The following FSTL4 variants were observed in gnomAD, a reference collection of about 807,000 sequenced individuals.
FSTL4 encodes follistatin-related protein 4.
A neutral mutation model predicts 78.2 loss-of-function variants in FSTL4; 28 were observed. The ratio of observed to expected loss-of-function variants is 0.36; its 90% CI spans 0.27 to 0.49. The LOEUF (loss-of-function observed/expected upper bound fraction) is 0.49. Ranked by LOEUF, FSTL4 falls within the 20% of genes least tolerant of loss-of-function variation. The pLI, the probability that FSTL4 is intolerant of heterozygous loss-of-function variation, is 0.98. For synonymous variants in FSTL4, 422 were observed against 440.5 expected (o/e 0.96, Z 0.53); for missense variants, 922 against 1,084.9 (o/e 0.85, Z 2.11).
chr5:133,279,374 T>C (rs1206157095), intron 6 of FSTL4, among the ~76,000 whole-genome samples: 1 of 152,160 alleles, frequency 6.6e-6, no homozygotes, highest in East Asian at 1.9e-4. Flanking sequence ...GGCTGAACAG[T>C]TTTGTCCGAA....
At chr5:133,608,245 C>T (rs912135637) in intron 1 of FSTL4, among the ~76,000 whole-genome samples, 8 of 152,222 alleles carry the variant, frequency 5.3e-5, no homozygotes, top group African/African-American at 9.7e-5. Flanking sequence ...CTACCTAGGA[C>T]TGTCCCCATA....
intron 3 of FSTL4, among the ~76,000 whole-genome samples, chr5:133,405,905 A>G (rs370825476): frequency 3.3e-5 from 5 of 152,308 alleles, no homozygotes; most frequent in African/African-American, 1.2e-4. Context: ...CTCCTCCCCT[A>G]TCTATCCACC....
At chr5:133,381,211 C>T (rs1206655367) in intron 4 of FSTL4, among the ~76,000 whole-genome samples, 1 of 152,212 alleles carries the variant, frequency 6.6e-6, no homozygotes, top group African/African-American at 2.4e-5. Context: ...AGAATGATTC[C>T]AGTTGCACAG....
chr5:133,474,413 T>C (rs1376470319), intron 3 of FSTL4, among the ~76,000 whole-genome samples: 1 of 152,168 alleles, frequency 6.6e-6, no homozygotes, highest in Non-Finnish European at 1.5e-5. Flanking sequence ...TTTTCATCTG[T>C]AGCCCCCGTG....
In FSTL4 at chr5:133,500,043, G is replaced by A. The variant is rs140755398; in HGVS notation, c.160+67143C>T. 3.3e-5 allele frequency among the ~76,000 whole-genome samples: 5 copies of A among 152,258 alleles called. No homozygotes were observed. The East Asian group carries it at 9.6e-4, about 29-fold the overall frequency. On this transcript the variant is annotated intron_variant, in intron 3 of 15. Coordinates refer to ENST00000265342, the MANE Select transcript of FSTL4 (RefSeq NM_015082.2). ...GTATAGGGCGCTTCATAAACACTTAGAGCATTGAATCAATATTTGCTCTGC... is the reference window on the plus strand; with the variant it reads ...GTATAGGGCGCTTCATAAACACTTAAAGCATTGAATCAATATTTGCTCTGC...
At chr5:133,763,695 A>G in the FSTL4 span, among the ~76,000 whole-genome samples, 12 of 152,190 alleles carry the variant, frequency 7.9e-5, no homozygotes, top group East Asian at 2.3e-3. Context: ...ACCTCCCCCA[A>G]CCAACCCTGG....
chr5:133,515,404 G>GA (rs1758832852), intron 3 of FSTL4, among the ~76,000 whole-genome samples: 1 of 147,288 alleles, frequency 6.8e-6, no homozygotes, highest in Non-Finnish European at 1.5e-5. Flanking sequence ...TAAAAGGAAA[G>GA]GAAAAAAAAA....
chr5:133,547,487 A>T (rs568363599), intron 3 of FSTL4, among the ~76,000 whole-genome samples: 3 of 152,314 alleles, frequency 2.0e-5, no homozygotes, highest in East Asian at 3.9e-4. Flanking sequence ...TGTCCCCCAG[A>T]ATTCATGTGT....
the FSTL4 span, among the ~76,000 whole-genome samples, chr5:133,745,975 G>T: frequency 6.6e-6 from 1 of 152,122 alleles, no homozygotes; most frequent in African/African-American, 2.4e-5. Flanking sequence ...CACGATACAG[G>T]CCTCATATTT....
chr5:133,446,177 C>A lies in FSTL4; in HGVS notation c.161-45191G>T, dbSNP rs571280850. Among the ~76,000 whole-genome samples the A allele has an allele frequency of 2.0e-5, 3 of 152,326 alleles. No individual in the cohort carries two copies. The East Asian group carries it at 5.8e-4, about 29-fold the overall frequency. ...CTCTCGGGCCAGGCTCGGTGGCTCA[C>A]GCCTGTAATCCTAGCACTTTGGGAG... On this transcript the variant is annotated intron_variant, in intron 3 of 15. Transcript: ENST00000265342.
At chr5:133,215,402 C>T (rs1266988767) in intron 13 of FSTL4, among the ~76,000 whole-genome samples, 1 of 152,200 alleles carries the variant, frequency 6.6e-6, no homozygotes, top group South Asian at 2.1e-4. Flanking sequence ...GCTTAGGCCT[C>T]TCCTTTGACT....
chr5:133,575,265 T>C (rs1760252764), intron 2 of FSTL4: 2 of 152,214 alleles, frequency 1.3e-5, no homozygotes, highest in Non-Finnish European at 2.9e-5. Flanking sequence ...TATACTCTAC[T>C]TCCTCCAAGG....
chr5:133,764,490 C>G, the FSTL4 span, among the ~76,000 whole-genome samples: 1 of 152,202 alleles, frequency 6.6e-6, no homozygotes, highest in Middle Eastern at 3.2e-3. Flanking sequence ...ATGCCATAGG[C>G]AAGCCAAAGA....
chr5:133,446,324 C>T (rs902819527), intron 3 of FSTL4, among the ~76,000 whole-genome samples: 1 of 152,218 alleles, frequency 6.6e-6, no homozygotes, highest in Non-Finnish European at 1.5e-5. Context: ...CCTGTAATCC[C>T]AGCTACTTGG....
At chr5:133,470,761 TAAAATAAA>T (rs1757806823) in intron 3 of FSTL4, among the ~76,000 whole-genome samples, 1 of 116,634 alleles carries the variant, frequency 8.6e-6, no homozygotes, top group Non-Finnish European at 1.8e-5. Flanking sequence ...TAAAATAAAA[TAAAATAAA>T]ATAAAATAAA....
intron 3 of FSTL4, among the ~76,000 whole-genome samples, chr5:133,460,242 A>G (rs1022560126): frequency 6.6e-6 from 1 of 151,568 alleles, no homozygotes; most frequent in East Asian, 1.9e-4. Context: ...GTTTTGTCCA[A>G]TTCTTTGTTC....
the FSTL4 span, among the ~76,000 whole-genome samples, chr5:133,772,128 C>T: frequency 1.3e-5 from 2 of 152,152 alleles, no homozygotes; most frequent in African/African-American, 4.8e-5. Flanking sequence ...TCAGAAATCA[C>T]ATATAATGCA....
chr5:133,540,984 G>A (rs993909988), intron 3 of FSTL4, among the ~76,000 whole-genome samples: 4 of 151,810 alleles, frequency 2.6e-5, no homozygotes, highest in African/African-American at 9.7e-5. Flanking sequence ...CTGCCAGCCC[G>A]CTCTCACAGC....
chr5:133,748,184 C>A, the FSTL4 span, among the ~76,000 whole-genome samples: 4 of 149,032 alleles, frequency 2.7e-5, no homozygotes. Flanking sequence ...CAGAACGAGA[C>A]TCCGTCTCAA....
Sources: allele counts gnomAD v4.1 joint callset (sites outside exome capture counted in the v4.1 genomes callset), GRCh38; gene constraint gnomAD v4.1.1; transcripts MANE v1.5; gene names NCBI Gene and HGNC (gene_info 2026-07-23, HGNC 2026-07-21).